Variants in KATNIP observed in about 807,000 individuals in gnomAD.
KATNIP encodes the protein katanin interacting protein.
A neutral mutation model predicts 174.0 loss-of-function variants in KATNIP; 126 were observed. The ratio of observed to expected loss-of-function variants is 0.72; its 90% CI spans 0.63 to 0.84. The LOEUF is 0.84. Ranked by LOEUF, KATNIP falls within the 40% of genes least tolerant of loss-of-function variation. The pLI is 0.00. For synonymous variants in KATNIP, 810 were observed against 835.7 expected, an observed-to-expected ratio of 0.97 and a Z score of 0.53; for missense variants, 1,958 against 2,109.7, an observed-to-expected ratio of 0.93 and a Z score of 1.41.
intron 18 of KATNIP, 178 bp downstream of exon 18, chr16:27,754,429 C>G: frequency 1.7e-6 from 1 of 598,252 alleles, no homozygotes; most frequent in Non-Finnish European, 3.0e-6. Context: ...CTCCCTGGCC[C>G]TAGCAGGGCC....
At chr16:27,708,140 C>A (rs936382751) in intron 12 of KATNIP, among the ~76,000 whole-genome samples, 3 of 152,026 alleles carry the variant, frequency 2.0e-5, no homozygotes, top group Non-Finnish European at 4.4e-5. Flanking sequence ...CCTCAGCCTC[C>A]TGCGTAGCTG....
intron 13 of KATNIP, among the ~76,000 whole-genome samples, chr16:27,717,418 C>G (rs1408819768): frequency 6.6e-6 from 1 of 152,182 alleles, no homozygotes; most frequent in Non-Finnish European, 1.5e-5. Context: ...CCTGCTTTAA[C>G]CATTCATTCT....
At chr16:27,754,629 C>T (rs937390029) in intron 18 of KATNIP, 4 of 178,670 alleles carry the variant, frequency 2.2e-5, no homozygotes, top group African/African-American at 4.8e-5. Context: ...TGCAGTGCCC[C>T]GAGCTGTCTC....
intron 22 of KATNIP, among the ~76,000 whole-genome samples, chr16:27,772,122 T>A (rs1346566491): frequency 1.3e-5 from 2 of 151,918 alleles, no homozygotes; most frequent in Non-Finnish European, 2.9e-5. Flanking sequence ...TAAAAAAAAA[T>A]AAATAAATTA....
intron 2 of KATNIP, among the ~76,000 whole-genome samples, chr16:27,607,298 GC>G (rs1246786486): frequency 2.0e-5 from 3 of 152,126 alleles, no homozygotes; most frequent in African/African-American, 7.2e-5. Flanking sequence ...CCACTTAGAG[GC>G]TCTGAGACCT....
At chr16:27,666,758 G>A (rs1184141844) in intron 6 of KATNIP, among the ~76,000 whole-genome samples, 1 of 152,158 alleles carries the variant, frequency 6.6e-6, no homozygotes, top group African/African-American at 2.4e-5. Context: ...CAGGCATGGT[G>A]GTTCACGCCT....
At chr16:27,767,707 T>A (rs2082170806) in intron 20 of KATNIP, among the ~76,000 whole-genome samples, 1 of 152,060 alleles carries the variant, frequency 6.6e-6, no homozygotes, top group South Asian at 2.1e-4. Flanking sequence ...CAAGACACCA[T>A]CTCAAAGAAA....
At chr16:27,603,737 C>CTTT (rs35121026) in intron 2 of KATNIP, among the ~76,000 whole-genome samples, 1 of 131,046 alleles carries the variant, frequency 7.6e-6, no homozygotes, top group Non-Finnish European at 1.6e-5. Flanking sequence ...TTCCCACTTC[C>CTTT]TTTTTTTTTT....
intron 8 of KATNIP, among the ~76,000 whole-genome samples, chr16:27,698,038 T>C (rs1247769367): frequency 1.3e-5 from 2 of 152,226 alleles, no homozygotes; most frequent in Non-Finnish European, 2.9e-5. Flanking sequence ...AGAATACCAC[T>C]GTCTAAGCCA....
chr16:27,562,938 C>T (rs538320145), intron 1 of KATNIP, among the ~76,000 whole-genome samples: 2 of 152,360 alleles, frequency 1.3e-5, no homozygotes, highest in East Asian at 1.9e-4. Context: ...GAGCAGATGA[C>T]ATCTCTACTG....
At chr16:27,557,074 A>T (rs575643802) in intron 1 of KATNIP, among the ~76,000 whole-genome samples, 2 of 152,226 alleles carry the variant, frequency 1.3e-5, no homozygotes, top group South Asian at 4.1e-4. Context: ...AAAATGAGTA[A>T]GATTGAATCC....
At chr16:27,557,510 C>T (rs1354127822) in intron 1 of KATNIP, among the ~76,000 whole-genome samples, 3 of 149,796 alleles carry the variant, frequency 2.0e-5, no homozygotes, top group Non-Finnish European at 2.9e-5. Flanking sequence ...CTCACTGGTG[C>T]GTCCATCTCC....
rs1360293883 is a variant in KATNIP at position 27,648,632 on chromosome 16, G to A, written c.437G>A (p.Gly146Asp). 1 of 1,614,186 alleles carries A rather than the reference G, an allele frequency of 6.2e-7. No individual in the cohort carries two copies. The highest frequency in any genetic ancestry group is 1.7e-5 in the Admixed American group (1 of 60,028). The change falls in exon 6 of 28, where the codon GGC (glycine) becomes GAC (aspartate). Residue 146 changes from glycine (G) to aspartate (D), a missense_variant. Physicochemically the swap from Gly to Asp is moderately conservative, Grantham distance 94. Around this residue, in one of 3 missense-constraint regions of KATNIP, gnomAD observed 1,557 missense variants for 1,617.8 expected, o/e 0.96. Coordinates refer to ENST00000261588, the MANE Select transcript of KATNIP (RefSeq NM_015202.5). The stretch of plus-strand genomic sequence containing the variant: ...TCTGTGCAGATCAGAACAGAAGCTG[G>A]CCCACGGCTCCACATCGAACCTCCT... The part of the protein sequence containing the change: ...QKSVQIRTEA[G>D]PRLHIEPPVD...
At chr16:27,697,854 G>A (rs554581190) in intron 8 of KATNIP, among the ~76,000 whole-genome samples, 2 of 152,080 alleles carry the variant, frequency 1.3e-5, no homozygotes, top group East Asian at 1.9e-4. Context: ...AGTTGCAGAC[G>A]TCATTCCCCT....
intron 7 of KATNIP, among the ~76,000 whole-genome samples, chr16:27,680,949 C>T (rs1218093440): frequency 6.6e-6 from 1 of 152,202 alleles, no homozygotes; most frequent in Non-Finnish European, 1.5e-5. Context: ...CCCGTCTTGG[C>T]CTCCTAAAGT....
At chr16:27,693,852 A>G (rs557162723) in intron 8 of KATNIP, among the ~76,000 whole-genome samples, 6 of 152,310 alleles carry the variant, frequency 3.9e-5, no homozygotes, top group South Asian at 2.1e-4. Context: ...ACTGGAAGAC[A>G]TTATGAACAA....
Position 27,750,109 on chromosome 16 carries a change from C to T in KATNIP, c.3149C>T (p.Ala1050Val), listed in dbSNP as rs1237169148. The change falls in exon 16 of 28, where the codon GCC (alanine) becomes GTC (valine). Residue 1050 changes from alanine to valine, a missense_variant. Physicochemically the swap from Ala to Val is moderately conservative, Grantham distance 64 (BLOSUM62 0). This residue lies in a region of KATNIP where 1,557 missense variants were observed against 1,617.8 expected (regional missense o/e 0.96). Coordinates refer to ENST00000261588, the MANE Select transcript of KATNIP (RefSeq NM_015202.5). The stretch of plus-strand genomic sequence containing the variant: ...CAGGATGACATGCATGTCTGGCTGG[C>T]CCCCTTCACGCGGGGCAGATCCCAC... ...RTQDDMHVWL[A>V]PFTRGRSHSI... is the part of the protein sequence containing the mutation. 3.1e-6 allele frequency: 5 copies of T among 1,614,146 alleles called. No homozygotes were observed. The highest frequency in any genetic ancestry group is 4.2e-6 in the Non-Finnish European group (5 of 1,180,020).
At position 27,618,340 on chromosome 16, in the gene KATNIP, G is replaced by C. The variant is rs4787980; in HGVS notation, c.64-85G>C. The C allele has an allele frequency of 0.86, 909,879 of 1,059,112 alleles. 391,947 individuals are homozygous for C. Among genetic ancestry groups the C allele is most frequent in the East Asian group, 1 (41,528 of 41,596 alleles). 65.6% of individuals were successfully genotyped at this position (1,059,112 alleles called of 1,614,324 possible). ...AAGGTCAGCCTCCGCCTCTCAGCCT[G>C]CTGCGCCGGTGTGTGCTGCACCTGC... On this transcript the variant is annotated intron_variant, in intron 2 of 27. Transcript: ENST00000261588.
chr16:27,644,352 G>C (rs1263630418), intron 5 of KATNIP: 6 of 152,184 alleles, frequency 3.9e-5, no homozygotes, highest in Non-Finnish European at 8.8e-5. Flanking sequence ...GCCGTCCCCA[G>C]CCCCTCTTAG....
Sources: allele counts gnomAD v4.1 joint callset (sites outside exome capture counted in the v4.1 genomes callset), GRCh38; gene constraint gnomAD v4.1.1; regional missense constraint gnomAD v4.1.1; transcripts MANE v1.5; gene names NCBI Gene and HGNC (gene_info 2026-07-23, HGNC 2026-07-21).